ANO3: variants seen among roughly 807,000 people sequenced by gnomAD.
ANO3 encodes anoctamin 3, also known as anoctamin-3.
Under a neutral mutation model 144.8 loss-of-function variants are expected in ANO3, and 99 were observed. The observed-to-expected ratio is 0.68, with a 90% CI of 0.58 to 0.81. The LOEUF (loss-of-function observed/expected upper bound fraction) is 0.81. Among genes scored for constraint, ANO3 ranks in the 30% least tolerant of loss-of-function variants. The pLI, the probability that ANO3 is intolerant of heterozygous loss-of-function variation, is 0.00. For missense variants in ANO3, 905 were observed against 1,202.2 expected (o/e 0.75, Z 3.66); for synonymous variants, 414 against 392.6 (o/e 1.05, Z -0.64).
At position 26,273,120 on chromosome 11, in the gene ANO3, T is replaced by G. The variant is rs1015531299; in HGVS notation, c.155-36525T>G. On this transcript the variant is annotated intron_variant, in intron 1 of 27. Transcript: ENST00000672621. ...ACCAGCTGCCAGTCTTTTCGTTGTA[T>G]GACAAGAAGGCCTGGACAATAAGAA... 3.9e-5 allele frequency among the ~76,000 whole-genome samples: 6 copies of G among 152,248 alleles called. No individual in the cohort carries two copies. In the South Asian group the frequency reaches 8.3e-4, roughly 21 times the overall value.
At chr11:26,365,329 A>T (rs1203589909) in intron 1 of ANO3, among the ~76,000 whole-genome samples, 5 of 152,176 alleles carry the variant, frequency 3.3e-5, no homozygotes, top group Non-Finnish European at 5.9e-5. Context: ...TGTAGGTTGC[A>T]AGCTGCCAGT....
At chr11:26,235,251 C>T (rs566835334) in intron 1 of ANO3, among the ~76,000 whole-genome samples, 1 of 152,266 alleles carries the variant, frequency 6.6e-6, no homozygotes, top group Admixed American at 6.5e-5. Context: ...TATGACTAAA[C>T]TAACAATTAT....
intron 24 of ANO3, among the ~76,000 whole-genome samples, chr11:26,654,767 T>C (rs1467311297): frequency 6.6e-6 from 1 of 152,220 alleles, no homozygotes; most frequent in Non-Finnish European, 1.5e-5. Flanking sequence ...ATTAAGATCC[T>C]ACCAGATTTT....
chr11:26,445,077 A>G (rs1858655700), intron 3 of ANO3, among the ~76,000 whole-genome samples: 1 of 152,118 alleles, frequency 6.6e-6, no homozygotes, highest in African/African-American at 2.4e-5. Context: ...ATTTTAGAAT[A>G]TTTGTATTAT....
At chr11:26,638,077 T>C (rs1853022242) in intron 20 of ANO3, among the ~76,000 whole-genome samples, 1 of 152,190 alleles carries the variant, frequency 6.6e-6, no homozygotes, top group African/African-American at 2.4e-5. Flanking sequence ...ACTGATGAAT[T>C]ATTTTTGTGG....
intron 4 of ANO3, among the ~76,000 whole-genome samples, chr11:26,488,460 C>T (rs774365782): frequency 1.5e-4 from 23 of 152,000 alleles, no homozygotes; most frequent in South Asian, 6.2e-4. Context: ...AGAATGAAGC[C>T]GGGGACCCTT....
intron 14 of ANO3, chr11:26,565,811 T>C (rs773354983): frequency 6.2e-6 from 10 of 1,612,282 alleles, no homozygotes; most frequent in South Asian, 1.1e-5. Context: ...CCGATAGAAG[T>C]GAATAAAACA....
At chr11:26,620,128 A>G (rs1041406023) in intron 17 of ANO3, among the ~76,000 whole-genome samples, 1 of 152,206 alleles carries the variant, frequency 6.6e-6, no homozygotes, top group Non-Finnish European at 1.5e-5. Context: ...TACCCTCAGA[A>G]AAGGATATGC....
At chr11:26,644,171 T>C (rs1190828357) in intron 23 of ANO3, among the ~76,000 whole-genome samples, 1 of 152,222 alleles carries the variant, frequency 6.6e-6, no homozygotes, top group African/African-American at 2.4e-5. Context: ...CATTTTTAGT[T>C]ATGAAAATAA....
chr11:26,486,360 C>CAAAAAAA (rs10681114), intron 4 of ANO3, among the ~76,000 whole-genome samples: 50 of 74,204 alleles, frequency 6.7e-4, no homozygotes, highest in Non-Finnish European at 1.1e-3. Context: ...GACTCTGTCT[C>CAAAAAAA]AAAAAAAAAA....
chr11:26,593,175 T>C (rs1274218327), intron 14 of ANO3, among the ~76,000 whole-genome samples: 1 of 152,178 alleles, frequency 6.6e-6, no homozygotes, highest in Non-Finnish European at 1.5e-5. Flanking sequence ...GGAATTCCCT[T>C]TCTCTCCATA....
chr11:26,191,562 T>G (rs1269859985), intron 1 of ANO3, among the ~76,000 whole-genome samples: 4 of 152,216 alleles, frequency 2.6e-5, no homozygotes, highest in Non-Finnish European at 5.9e-5. Flanking sequence ...TGTTCACTAT[T>G]TCAATGATTC....
chr11:26,381,788 T>A (rs1856596186), intron 1 of ANO3, among the ~76,000 whole-genome samples: 1 of 152,152 alleles, frequency 6.6e-6, no homozygotes, highest in Non-Finnish European at 1.5e-5. Context: ...GCTTTCCTAA[T>A]CAGGGGACTG....
At chr11:26,217,141 G>A (rs549730850) in intron 1 of ANO3, among the ~76,000 whole-genome samples, 14 of 151,768 alleles carry the variant, frequency 9.2e-5, no homozygotes, top group African/African-American at 3.1e-4. Context: ...TGATCACCAC[G>A]TGATCATATG....
chr11:26,271,864 T>C lies in ANO3; in HGVS notation c.155-37781T>C, dbSNP rs138747690. ...TTCATTAAGTATGCTCAATACTTAA[T>C]ATTATGCAATACTTAAATGTGAACA... On this transcript the variant is annotated intron_variant, in intron 1 of 27. Coordinates refer to the ANO3 transcript ENST00000672621. Among the ~76,000 whole-genome samples, 266 of 152,290 alleles carry C rather than the reference T, an allele frequency of 1.7e-3. 1 individual carries two copies. The highest frequency in any genetic ancestry group is 5.9e-3 in the African/African-American group (246 of 41,564).
At chr11:26,567,224 GA>G in intron 14 of ANO3, 1 of 827,002 alleles carries the variant, frequency 1.2e-6, no homozygotes, top group Non-Finnish European at 1.7e-6. Context: ...GCTTTTAATG[GA>G]AAATTTACTT....
chr11:26,542,148 C>T (rs1283205815), intron 11 of ANO3, 80 bp downstream of exon 11: 2 of 1,481,510 alleles, frequency 1.3e-6, no homozygotes, highest in Non-Finnish European at 1.8e-6. Flanking sequence ...ATTTATTGTG[C>T]TCACCAGTGA....
chr11:26,610,099 C>A (rs4420219), intron 17 of ANO3, among the ~76,000 whole-genome samples: 1 of 151,780 alleles, frequency 6.6e-6, no homozygotes, highest in South Asian at 2.1e-4. Context: ...TTAGTAGAGG[C>A]GGGGTTTCTC....
intron 1 of ANO3, among the ~76,000 whole-genome samples, chr11:26,315,070 A>T (rs752634398): frequency 1.5e-4 from 23 of 151,434 alleles, no homozygotes; most frequent in Non-Finnish European, 2.7e-4. Context: ...CTTTCCATAA[A>T]TCCTAGGTAG....
Sources: allele counts gnomAD v4.1 joint callset (sites outside exome capture counted in the v4.1 genomes callset), GRCh38; gene constraint gnomAD v4.1.1; transcripts MANE v1.5; gene names NCBI Gene and HGNC (gene_info 2026-07-23, HGNC 2026-07-21).